The following KCND2 variants were observed in gnomAD, a reference collection of about 807,000 sequenced individuals.
KCND2 encodes the protein potassium voltage-gated channel subfamily D member 2.
A neutral mutation model predicts 54.4 loss-of-function variants in KCND2; 16 were observed. The observed-to-expected ratio is 0.29, with a 90% CI of 0.20 to 0.45. The LOEUF (loss-of-function observed/expected upper bound fraction) is 0.45, where lower values mean the gene tolerates loss of function less well. Among genes scored for constraint, KCND2 ranks in the 20% least tolerant of loss-of-function variants. The pLI, the probability that KCND2 is intolerant of heterozygous loss-of-function variation, is 1.00. For missense variants in KCND2, 486 were observed against 824.2 expected, an observed-to-expected ratio of 0.59 and a Z score of 5.02; for synonymous variants, 317 against 310.7, an observed-to-expected ratio of 1.02 and a Z score of -0.21.
chr7:120,371,298 G>A (rs1800761456), intron 1 of KCND2, among the ~76,000 whole-genome samples: 1 of 152,022 alleles, frequency 6.6e-6, no homozygotes. Context: ...ATCTACCACA[G>A]GGGCACTGCC....
chr7:120,281,669 G>A (rs62470463), intron 1 of KCND2, among the ~76,000 whole-genome samples: 4,098 of 152,208 alleles, frequency 0.027, 61 homozygotes, highest in Non-Finnish European at 0.041. Context: ...TAACTAAATT[G>A]AAAGGCTTTT....
Position 120,404,708 on chromosome 7 carries a change from T to C in KCND2, c.1115+128961T>C, listed in dbSNP as rs1801323619. Among the ~76,000 whole-genome samples, 2 of 152,146 alleles carry C rather than the reference T, an allele frequency of 1.3e-5. 1 individual carries two copies. The highest frequency in any genetic ancestry group is 1.3e-4 in the Admixed American group (2 of 15,242). On this transcript the variant is annotated intron_variant, in intron 1 of 5. Coordinates refer to ENST00000331113, the MANE Select transcript of KCND2 (RefSeq NM_012281.3). The stretch of plus-strand genomic sequence containing the variant: ...CTCTTAACCTTTCTTAGATTCATTT[T>C]TGATATGTGTGATAGAGGATGAAAA...
At chr7:120,325,596 A>G (rs1799962531) in intron 1 of KCND2, among the ~76,000 whole-genome samples, 2 of 151,814 alleles carry the variant, frequency 1.3e-5, no homozygotes, top group Admixed American at 6.6e-5. Flanking sequence ...TATATGCTGG[A>G]TTACATTTAT....
In KCND2 at chr7:120,277,595, T is replaced by C. The variant is rs1584707836; in HGVS notation, c.1115+1848T>C. On this transcript the variant is annotated intron_variant, in intron 1 of 5. Transcript: ENST00000331113. ...TATATAGTGTCTATATGATTGAATA[T>C]AGGTATAAAAAGAATGTTGATGAGA... 5.3e-5 allele frequency among the ~76,000 whole-genome samples: 8 copies of C among 152,160 alleles called. No individual in the cohort carries two copies. In the South Asian group the frequency reaches 1.7e-3, roughly 32 times the overall value.
chr7:120,515,474 A>G (rs903845260), intron 1 of KCND2, among the ~76,000 whole-genome samples: 2 of 152,112 alleles, frequency 1.3e-5, no homozygotes, highest in South Asian at 2.1e-4. Context: ...ATGAAGAAAT[A>G]GTAGTTGCAA....
intron 1 of KCND2, among the ~76,000 whole-genome samples, chr7:120,506,636 T>A (rs776130395): frequency 1.3e-5 from 2 of 151,900 alleles, no homozygotes; most frequent in African/African-American, 2.4e-5. Flanking sequence ...AACTTAGTAA[T>A]CTGGAAAATA....
At chr7:120,587,682 C>G (rs1792617684) in intron 1 of KCND2, among the ~76,000 whole-genome samples, 1 of 152,100 alleles carries the variant, frequency 6.6e-6, no homozygotes, top group Non-Finnish European at 1.5e-5. Context: ...GAAAAACCAC[C>G]ACTTTCAGTT....
chr7:120,571,107 C>T (rs1792360440), intron 1 of KCND2, among the ~76,000 whole-genome samples: 1 of 152,106 alleles, frequency 6.6e-6, no homozygotes, highest in South Asian at 2.1e-4. Flanking sequence ...TGAAACAGAT[C>T]GTGTAAGTAC....
chr7:120,605,574 T>C (rs541084715), intron 1 of KCND2, among the ~76,000 whole-genome samples: 41 of 152,328 alleles, frequency 2.7e-4, no homozygotes, highest in Non-Finnish European at 5.6e-4. Flanking sequence ...TTCTCTTCAG[T>C]ATATTATCTA....
intron 1 of KCND2, among the ~76,000 whole-genome samples, chr7:120,472,191 T>A (rs66597280): frequency 0.067 from 10,110 of 151,792 alleles, 868 homozygotes; most frequent in East Asian, 0.45. Context: ...TGAATCTTGT[T>A]TTTTTCTTTT....
At chr7:120,572,632 C>A (rs1389008564) in intron 1 of KCND2, among the ~76,000 whole-genome samples, 1 of 152,144 alleles carries the variant, frequency 6.6e-6, no homozygotes, top group Non-Finnish European at 1.5e-5. Context: ...ATTCTCCCAC[C>A]TCAGCCTCCT....
intron 1 of KCND2, among the ~76,000 whole-genome samples, chr7:120,493,301 T>A (rs1453142223): frequency 6.6e-6 from 1 of 151,888 alleles, no homozygotes; most frequent in Non-Finnish European, 1.5e-5. Context: ...ATGATAAATA[T>A]TTTCCTTCTT....
At chr7:120,557,807 A>T (rs1011886398) in intron 1 of KCND2, among the ~76,000 whole-genome samples, 5 of 152,118 alleles carry the variant, frequency 3.3e-5, no homozygotes, top group African/African-American at 1.2e-4. Context: ...CTCAGTAAAA[A>T]TTATCTGAAT....
intron 1 of KCND2, among the ~76,000 whole-genome samples, chr7:120,365,614 C>A (rs138317846): frequency 1.4e-4 from 22 of 152,202 alleles, no homozygotes; most frequent in African/African-American, 4.6e-4. Context: ...GGCAGAGGTG[C>A]TGGACCTATG....
At chr7:120,713,926 A>T (rs1426876892) in intron 1 of KCND2, among the ~76,000 whole-genome samples, 1 of 152,190 alleles carries the variant, frequency 6.6e-6, no homozygotes, top group African/African-American at 2.4e-5. Context: ...TAGCAGATAC[A>T]AACAAGCTCA....
At chr7:120,445,371 G>A (rs924822903) in intron 1 of KCND2, among the ~76,000 whole-genome samples, 28 of 152,130 alleles carry the variant, frequency 1.8e-4, no homozygotes, top group African/African-American at 6.8e-4. Context: ...TGGATTCTGT[G>A]TTTCTATTAA....
chr7:120,651,780 A>G (rs1355582574), intron 1 of KCND2, among the ~76,000 whole-genome samples: 2 of 152,172 alleles, frequency 1.3e-5, no homozygotes, highest in East Asian at 1.9e-4. Flanking sequence ...ATTTGAGTTA[A>G]TAAATCATTT....
chr7:120,486,418 A>G (rs562626145), intron 1 of KCND2, among the ~76,000 whole-genome samples: 30 of 152,240 alleles, frequency 2.0e-4, no homozygotes, highest in Admixed American at 6.6e-4. Context: ...AATTGTAGCT[A>G]CCAAATTCCT....
chr7:120,536,546 T>G (rs1032543114), intron 1 of KCND2, among the ~76,000 whole-genome samples: 1 of 152,210 alleles, frequency 6.6e-6, no homozygotes, highest in African/African-American at 2.4e-5. Flanking sequence ...CCTGCATTGC[T>G]TTATCAACAA....
Sources: gnomAD v4.1 joint callset for allele counts (sites outside exome capture counted in the v4.1 genomes callset) on GRCh38, gnomAD v4.1.1 for gene constraint, MANE v1.5 for transcripts, NCBI Gene and HGNC (gene_info 2026-07-23, HGNC 2026-07-21) for gene names.